The following CCDC32 variants were observed in gnomAD, a reference collection of about 807,000 sequenced individuals.
The protein encoded by CCDC32 is coiled-coil domain-containing protein 32.
In CCDC32, 9 loss-of-function variants were observed where a neutral mutation model predicts 20.1. The ratio of observed to expected loss-of-function variants is 0.45; its 90% CI spans 0.27 to 0.78. The LOEUF (loss-of-function observed/expected upper bound fraction) is 0.78. Among genes scored for constraint, CCDC32 ranks in the 30% least tolerant of loss-of-function variants. CCDC32 has a pLI of 0.16. For missense variants in CCDC32, 204 were observed against 215.5 expected (o/e 0.95, Z 0.33); for synonymous variants, 63 against 79.0 (o/e 0.80, Z 1.07).
At chr15:40,535,139 G>C, downstream of CCDC32, 1 of 1,021,664 alleles carries the variant, frequency 9.8e-7, no homozygotes, top group Non-Finnish European at 1.4e-6. Context: ...TATTTGATCA[G>C]AGCTGTGCAT....
chr15:40,521,631 A>G, the CCDC32 span, among the ~76,000 whole-genome samples: 1 of 152,172 alleles, frequency 6.6e-6, no homozygotes, highest in South Asian at 2.1e-4. Context: ...CAGTTTCTCT[A>G]CATCCTCGCA....
downstream of CCDC32, chr15:40,532,320 G>A (rs903311387): frequency 2.3e-5 from 16 of 702,536 alleles, no homozygotes; most frequent in East Asian, 1.1e-4. Context: ...AGAAGAGTAC[G>A]TAGATTTATG....
chr15:40,535,178 A>T, downstream of CCDC32: 2 of 1,259,752 alleles, frequency 1.6e-6, no homozygotes, highest in Non-Finnish European at 2.2e-6. Flanking sequence ...GGTGGCATAT[A>T]AGATGAATGG....
downstream of CCDC32, chr15:40,532,137 T>C (rs1888900209): frequency 1.8e-6 from 1 of 540,920 alleles, no homozygotes; most frequent in African/African-American, 1.9e-5. Context: ...ACTTTTTTCT[T>C]CTCTAGTTTT....
downstream of CCDC32, among the ~76,000 whole-genome samples, chr15:40,524,011 C>T (rs1291280711): frequency 6.6e-6 from 1 of 152,112 alleles, no homozygotes; most frequent in Non-Finnish European, 1.5e-5. Flanking sequence ...GTTTTATTCA[C>T]AGTAGCCAAA....
At chr15:40,541,137 G>A (rs944743315) in intron 3 of CCDC32, among the ~76,000 whole-genome samples, 3 of 152,168 alleles carry the variant, frequency 2.0e-5, no homozygotes, top group Non-Finnish European at 4.4e-5. Flanking sequence ...CAGCTGCAGC[G>A]GATGCTTCTG....
downstream of CCDC32, chr15:40,534,787 C>A (rs1478404326): frequency 1.7e-5 from 11 of 661,814 alleles, no homozygotes; most frequent in Middle Eastern, 4.8e-4. Context: ...AATTACCTCC[C>A]CAAAGTTCCA....
downstream of CCDC32, among the ~76,000 whole-genome samples, chr15:40,528,228 T>A (rs1894924652): frequency 6.6e-6 from 1 of 152,204 alleles, no homozygotes; most frequent in African/African-American, 2.4e-5. Context: ...CACTTGGTCT[T>A]CTTTCTCCCT....
At chr15:40,563,629 T>C (rs1890804217) in intron 1 of CCDC32, among the ~76,000 whole-genome samples, 1 of 151,648 alleles carries the variant, frequency 6.6e-6, no homozygotes, top group African/African-American at 2.4e-5. Context: ...CACTGAATCA[T>C]ACACACAAAA....
At chr15:40,563,640 A>T (rs189753843) in intron 1 of CCDC32, among the ~76,000 whole-genome samples, 24 of 151,662 alleles carry the variant, frequency 1.6e-4, no homozygotes, top group African/African-American at 5.6e-4. Context: ...ACACACAAAA[A>T]TAGTTAAAAT....
chr15:40,538,708 G>T (rs1246241205), downstream of CCDC32: 1 of 152,356 alleles, frequency 6.6e-6, no homozygotes, highest in Non-Finnish European at 1.5e-5. Flanking sequence ...AGAAGCAGAG[G>T]GAGGATTGGA....
chr15:40,554,536 A>G (rs1890107797), intron 3 of CCDC32, among the ~76,000 whole-genome samples: 1 of 152,156 alleles, frequency 6.6e-6, no homozygotes, highest in African/African-American at 2.4e-5. Flanking sequence ...CAGAAATCTG[A>G]GTATCTTTTG....
At chr15:40,556,303 A>T (rs1170682003) in intron 3 of CCDC32, among the ~76,000 whole-genome samples, 1 of 152,202 alleles carries the variant, frequency 6.6e-6, no homozygotes, top group Admixed American at 6.5e-5. Flanking sequence ...CCCAAAGCAC[A>T]TTCTGTCACT....
chr15:40,558,923 C>T (rs1890435075), intron 2 of CCDC32, among the ~76,000 whole-genome samples: 1 of 151,930 alleles, frequency 6.6e-6, no homozygotes, highest in South Asian at 2.1e-4. Context: ...CCTGCCTCAG[C>T]CTCCCAAGTA....
At chr15:40,526,948 T>C (rs1010456312), downstream of CCDC32, among the ~76,000 whole-genome samples, 2 of 152,284 alleles carry the variant, frequency 1.3e-5, no homozygotes, top group Non-Finnish European at 2.9e-5. Flanking sequence ...TTTTTTATTT[T>C]ACTTTCTTTT....
downstream of CCDC32, among the ~76,000 whole-genome samples, chr15:40,549,487 C>G (rs896796): frequency 2.0e-5 from 3 of 152,130 alleles, no homozygotes; most frequent in South Asian, 2.1e-4. Context: ...TCTCCTACCC[C>G]ACTCCAACTG....
At chr15:40,522,137 G>C in the CCDC32 span, among the ~76,000 whole-genome samples, 1 of 152,044 alleles carries the variant, frequency 6.6e-6, no homozygotes, top group Non-Finnish European at 1.5e-5. Context: ...TGGCATGTAG[G>C]GTGTCAGATA....
Position 40,564,951 on chromosome 15 carries a change from G to T in CCDC32, c.-13+25C>A, listed in dbSNP as rs1890923285. On this transcript the variant is annotated intron_variant, in intron 1 of 3. Coordinates refer to ENST00000416810, the MANE Select transcript of CCDC32 (RefSeq NM_001080792.4). ...CCAGAGTGGGAGATCCAAAACGCTG[G>T]GCACCCCAGCCCCTCCTCACTTACC... is the stretch of plus-strand genomic sequence containing the variant. 5.5e-6 allele frequency: 4 copies of T among 730,372 alleles called. No homozygotes were observed. In the East Asian group the frequency reaches 1.1e-4, roughly 20 times the overall value. 45.2% of individuals were successfully genotyped at this position (730,372 alleles called of 1,614,324 possible). A position where few individuals can be genotyped will look rare whatever the true frequency, so the allele number is the denominator to read the frequency against.
chr15:40,558,846 C>T (rs907981799), intron 2 of CCDC32, among the ~76,000 whole-genome samples: 13 of 151,922 alleles, frequency 8.6e-5, no homozygotes, highest in Middle Eastern at 3.4e-3. Context: ...GTCACCCAGG[C>T]TGGAGTGCAG....
Sources: gnomAD v4.1 joint callset for allele counts (sites outside exome capture counted in the v4.1 genomes callset) on GRCh38, gnomAD v4.1.1 for gene constraint, MANE v1.5 for transcripts, NCBI Gene and HGNC (gene_info 2026-07-23, HGNC 2026-07-21) for gene names.